MEGF6: variants seen among roughly 807,000 people sequenced by gnomAD.
The protein encoded by MEGF6 is multiple EGF like domains 6, also known as multiple epidermal growth factor-like domains protein 6.
A neutral mutation model predicts 207.1 loss-of-function variants in MEGF6; 184 were observed. The ratio of observed to expected loss-of-function variants is 0.89; its 90% confidence interval spans 0.79 to 1.00. The LOEUF (loss-of-function observed/expected upper bound fraction) is 1.00, where lower values mean the gene tolerates loss of function less well. MEGF6 is among the 50% of genes least tolerant of loss of function. MEGF6 has a pLI of 0.00. For synonymous variants in MEGF6, 1,038 were observed against 910.0 expected (o/e 1.14, Z -2.53); for missense variants, 2,282 against 2,202.9 (o/e 1.04, Z -0.72).
intron 4 of MEGF6, among the ~76,000 whole-genome samples, chr1:3,557,712 G>A (rs760534833): frequency 2.0e-4 from 31 of 152,324 alleles, no homozygotes; most frequent in East Asian, 3.9e-4. Flanking sequence ...AAGGAGAGAC[G>A]GGGGGCCCAG....
intron 26 of MEGF6, among the ~76,000 whole-genome samples, 162 bp downstream of exon 26, chr1:3,498,209 C>G (rs943374962): frequency 6.6e-6 from 1 of 152,200 alleles, no homozygotes; most frequent in African/African-American, 2.4e-5. Flanking sequence ...TGAGACCCTC[C>G]CAACAGGGTC....
intron 3 of MEGF6, among the ~76,000 whole-genome samples, chr1:3,593,461 G>C (rs1644012136): frequency 6.8e-6 from 1 of 146,328 alleles, no homozygotes; most frequent in Admixed American, 6.8e-5. Context: ...CAGGCCCAGG[G>C]GCACCCCCAC....
rs762248681 is a variant in MEGF6 at position 3,560,798 on chromosome 1, G to A, written c.481+19027C>T. On this transcript the variant is annotated intron_variant, in intron 4 of 36. Transcript: ENST00000356575. This position sits in a 1 kb window ranked among gnomAD's most constrained non-coding sequence, Gnocchi z 4.0. ...GGTCACCCGGCAGTCCCCTCTGGCAGCCACCGGAGCAGCCAGGAACAGCCT... is the reference window on the plus strand; with the variant it reads ...GGTCACCCGGCAGTCCCCTCTGGCAACCACCGGAGCAGCCAGGAACAGCCT... 2.1e-6 allele frequency: 1 copy of A among 470,144 alleles called. No individual in the cohort carries two copies. The highest frequency in any genetic ancestry group is 4.4e-6 in the Non-Finnish European group (1 of 226,798). 29.1% of individuals were successfully genotyped at this position (470,144 alleles called of 1,614,324 possible).
At chr1:3,541,154 C>T (rs1251032944) in intron 4 of MEGF6, among the ~76,000 whole-genome samples, 4 of 152,238 alleles carry the variant, frequency 2.6e-5, no homozygotes, top group Non-Finnish European at 4.4e-5. Flanking sequence ...TGCTCCTGCG[C>T]CCTCTGGGCC....
At chr1:3,513,166 C>T (rs911277138) in intron 7 of MEGF6, among the ~76,000 whole-genome samples, 2 of 152,054 alleles carry the variant, frequency 1.3e-5, no homozygotes, top group African/African-American at 2.4e-5. Flanking sequence ...AACAATGTCT[C>T]CTTTCTTCTT....
intron 2 of MEGF6, among the ~76,000 whole-genome samples, 173 bp downstream of exon 2, chr1:3,602,293 A>C (rs2821014): frequency 1 from 152,118 of 152,318 alleles, 75,960 homozygotes; most frequent in Non-Finnish European, 1. Context: ...CCCATGGCAG[A>C]CCCACCCTGA....
At chr1:3,568,154 G>A (rs1367986592) in intron 4 of MEGF6, among the ~76,000 whole-genome samples, 2 of 152,228 alleles carry the variant, frequency 1.3e-5, no homozygotes, top group Admixed American at 1.3e-4. Context: ...TCGTCAACAT[G>A]TCTACTGCAG....
intron 5 of MEGF6, among the ~76,000 whole-genome samples, chr1:3,523,632 CGAAGG>C (rs1641849122): frequency 6.6e-6 from 1 of 152,190 alleles, no homozygotes; most frequent in African/African-American, 2.4e-5. Flanking sequence ...GCTCTGCGGG[CGAAGG>C]GTGTCCTCAC....
At position 3,611,463 on chromosome 1, in the gene MEGF6, G is replaced by T. The variant is rs146811356; in HGVS notation, c.-195C>A. 5.4e-3 allele frequency: 3,718 copies of T among 691,210 alleles called. 27 individuals are homozygous for T. The highest frequency in any genetic ancestry group is 1.0e-2 in the South Asian group (309 of 30,952). 42.8% of individuals were successfully genotyped at this position (691,210 alleles called of 1,614,324 possible). A position where few individuals can be genotyped will look rare whatever the true frequency, so the allele number is the denominator to read the frequency against. ...AAAGTGGCACCGCGGAGACCTGATC[G>T]CCGGGTCCACCCTGCAGGAACTCGC... On this transcript the variant is annotated 5_prime_UTR_variant, in exon 1 of 37. Coordinates refer to ENST00000356575, the MANE Select transcript of MEGF6 (RefSeq NM_001409.4).
At chr1:3,589,904 G>A (rs533876062) in intron 3 of MEGF6, among the ~76,000 whole-genome samples, 23 of 152,338 alleles carry the variant, frequency 1.5e-4, no homozygotes, top group African/African-American at 3.6e-4. Context: ...GGGCACATTC[G>A]CATATTAAAG....
At chr1:3,564,689 AG>A (rs1279217311) in intron 4 of MEGF6, among the ~76,000 whole-genome samples, 1 of 152,116 alleles carries the variant, frequency 6.6e-6, no homozygotes, top group Non-Finnish European at 1.5e-5. Flanking sequence ...TCCCCAAAGC[AG>A]GGGTATGGCC....
At position 3,611,160 on chromosome 1, in the gene MEGF6, G is replaced by A; in HGVS notation, c.109C>T (p.Leu37=). 6.5e-7 allele frequency: 1 copy of A among 1,533,628 alleles called. No individual in the cohort carries two copies. Among genetic ancestry groups the A allele is most frequent in the Non-Finnish European group, 8.7e-7 (1 of 1,149,560 alleles). ...PVGASVPPRP[L]LPLQPGMPHV... is the part of the protein sequence containing the mutation. ...CACATGCCGGGCTGCAGCGGGAGCAGGGGCCGCGGCGGAACGCTGGCGCCC... is the reference window on the plus strand; with the variant it reads ...CACATGCCGGGCTGCAGCGGGAGCAAGGGCCGCGGCGGAACGCTGGCGCCC... The change falls in exon 1 of 37, where the codon CTG becomes TTG. Residue 37 remains leucine (L), a synonymous_variant. Coordinates refer to ENST00000356575, the MANE Select transcript of MEGF6 (RefSeq NM_001409.4).
chr1:3,534,957 G>A (rs1473932507), intron 4 of MEGF6, among the ~76,000 whole-genome samples: 1 of 152,140 alleles, frequency 6.6e-6, no homozygotes, highest in Non-Finnish European at 1.5e-5. Flanking sequence ...CAGGGTGAGG[G>A]CTGGGCTACC....
intron 5 of MEGF6, among the ~76,000 whole-genome samples, chr1:3,520,449 G>A (rs1199714166): frequency 6.6e-6 from 1 of 152,230 alleles, no homozygotes; most frequent in East Asian, 1.9e-4. Flanking sequence ...ACATCACCGG[G>A]GAAGGCAAGG....
chr1:3,622,855 T>C, the MEGF6 span, among the ~76,000 whole-genome samples: 1 of 152,332 alleles, frequency 6.6e-6, no homozygotes, highest in Admixed American at 6.5e-5. Flanking sequence ...AGGAAACTCA[T>C]CCATACTGAG....
intron 35 of MEGF6, among the ~76,000 whole-genome samples, 173 bp from the exon 36 acceptor site, chr1:3,491,132 G>GT (rs967183243): frequency 6.6e-6 from 1 of 151,832 alleles, no homozygotes; most frequent in South Asian, 2.1e-4. Context: ...GGGAGCTGGG[G>GT]GGGGGGGCTC....
chr1:3,622,086 A>T, the MEGF6 span, among the ~76,000 whole-genome samples: 2 of 152,056 alleles, frequency 1.3e-5, no homozygotes, highest in African/African-American at 4.8e-5. Flanking sequence ...ACTTTGGGGG[A>T]CTGTTGGGAG....
At chr1:3,496,463 G>A (rs1640608891) in intron 29 of MEGF6, among the ~76,000 whole-genome samples, 192 bp downstream of exon 29, 1 of 152,244 alleles carries the variant, frequency 6.6e-6, no homozygotes, top group Non-Finnish European at 1.5e-5. Context: ...GGGACCTGGG[G>A]CCACATAGAC....
intron 4 of MEGF6, among the ~76,000 whole-genome samples, chr1:3,527,473 C>T (rs765690898): frequency 4.6e-5 from 7 of 152,240 alleles, no homozygotes; most frequent in Non-Finnish European, 1.0e-4. Flanking sequence ...CCGAGGGTCC[C>T]TAAGCCCTGA....
Sources: allele counts gnomAD v4.1 joint callset (sites outside exome capture counted in the v4.1 genomes callset), GRCh38; gene constraint gnomAD v4.1.1; non-coding constraint Gnocchi (gnomAD v3.1); transcripts MANE v1.5; gene names NCBI Gene and HGNC (gene_info 2026-07-23, HGNC 2026-07-21).